The following PDE4D variants were observed in gnomAD, a reference collection of about 807,000 sequenced individuals.
The protein encoded by PDE4D is 3',5'-cyclic-AMP phosphodiesterase 4D.
A neutral mutation model predicts 87.4 loss-of-function variants in PDE4D; 24 were observed. The ratio of observed to expected loss-of-function variants is 0.27; its 90% CI spans 0.20 to 0.39. The LOEUF is 0.39. Among genes scored for constraint, PDE4D ranks in the 10% least tolerant of loss-of-function variants. The pLI is 1.00. For synonymous variants in PDE4D, 384 were observed against 383.2 expected (o/e 1.00, Z -0.02); for missense variants, 714 against 1,041.0 (o/e 0.69, Z 4.32).
At chr5:60,500,823 C>T (rs552266191) in intron 1 of PDE4D, among the ~76,000 whole-genome samples, 3 of 152,086 alleles carry the variant, frequency 2.0e-5, no homozygotes, top group African/African-American at 7.2e-5. Flanking sequence ...ATAGCAAGAA[C>T]CTGACCCATG....
At chr5:59,067,837 A>C (rs1764168626) in intron 5 of PDE4D, among the ~76,000 whole-genome samples, 1 of 152,214 alleles carries the variant, frequency 6.6e-6, no homozygotes, top group South Asian at 2.1e-4. Context: ...ACAAAAAAGA[A>C]AAAGGACATG....
chr5:60,396,227 C>T (rs1003114884), intron 1 of PDE4D, among the ~76,000 whole-genome samples: 25 of 152,296 alleles, frequency 1.6e-4, no homozygotes, highest in Non-Finnish European at 2.9e-4. Context: ...ATAGATGATC[C>T]TGAGAGTTTA....
chr5:59,470,599 T>C (rs1802293463), intron 1 of PDE4D, among the ~76,000 whole-genome samples: 2 of 152,188 alleles, frequency 1.3e-5, no homozygotes, highest in South Asian at 2.1e-4. Flanking sequence ...GACCTTCAAT[T>C]TCACTAATAC....
chr5:59,444,307 G>A (rs567429907), intron 1 of PDE4D, among the ~76,000 whole-genome samples: 7 of 152,146 alleles, frequency 4.6e-5, no homozygotes, highest in Admixed American at 2.0e-4. Context: ...CATTAATGCC[G>A]AAAGATAACA....
chr5:59,412,581 G>T (rs1792886026), intron 1 of PDE4D, among the ~76,000 whole-genome samples: 1 of 152,130 alleles, frequency 6.6e-6, no homozygotes, highest in African/African-American at 2.4e-5. Context: ...GATCACTGCT[G>T]CATCTCATGC....
intron 1 of PDE4D, among the ~76,000 whole-genome samples, chr5:59,619,474 A>G (rs183691399): frequency 2.6e-5 from 4 of 152,214 alleles, no homozygotes; most frequent in Non-Finnish European, 4.4e-5. Flanking sequence ...CTGGGCCCCA[A>G]TCCCTAGTAA....
chr5:59,380,169 T>A (rs1488341509), intron 1 of PDE4D, among the ~76,000 whole-genome samples: 2 of 152,204 alleles, frequency 1.3e-5, no homozygotes, highest in African/African-American at 4.8e-5. Flanking sequence ...TACATTATTA[T>A]ATGCATAAAT....
chr5:59,371,902 G>A (rs1440838996), intron 1 of PDE4D, among the ~76,000 whole-genome samples: 1 of 152,166 alleles, frequency 6.6e-6, no homozygotes, highest in Non-Finnish European at 1.5e-5. Context: ...TAAAGAAAAA[G>A]AGTGGTATAT....
intron 2 of PDE4D, among the ~76,000 whole-genome samples, chr5:60,102,638 G>C (rs1374094359): frequency 6.6e-6 from 1 of 152,124 alleles, no homozygotes; most frequent in African/African-American, 2.4e-5. Flanking sequence ...CTGATAGAGG[G>C]AAGACAGAGA....
At chr5:60,329,936 T>G (rs1383414211) in intron 1 of PDE4D, among the ~76,000 whole-genome samples, 1 of 152,232 alleles carries the variant, frequency 6.6e-6, no homozygotes, top group Non-Finnish European at 1.5e-5. Context: ...AGAAACAACC[T>G]GTGAGTTCTT....
At chr5:59,227,676 A>G (rs1754120142) in intron 1 of PDE4D, among the ~76,000 whole-genome samples, 1 of 152,226 alleles carries the variant, frequency 6.6e-6, no homozygotes, top group Non-Finnish European at 1.5e-5. Flanking sequence ...AAAGAAATAC[A>G]AATCAAAACC....
chr5:60,307,116 T>C (rs1754567837), intron 1 of PDE4D, among the ~76,000 whole-genome samples: 1 of 151,936 alleles, frequency 6.6e-6, no homozygotes, highest in South Asian at 2.1e-4. Context: ...ACATAACTAA[T>C]TAAATATATA....
rs184291672 is a variant in PDE4D at position 59,705,806 on chromosome 5, T to C, written c.455+187362A>G. Among the ~76,000 whole-genome samples the C allele has an allele frequency of 5.9e-5, 9 of 152,270 alleles. No individual in the cohort carries two copies. In the East Asian group the frequency reaches 1.2e-3, roughly 20 times the overall value. ...GAATCATGCTTGACATAGTAATCCA[T>C]TGATCACTTCTTACTTTGATCTCTA... On this transcript the variant is annotated intron_variant, in intron 1 of 14. Coordinates refer to ENST00000340635, the MANE Select transcript of PDE4D (RefSeq NM_001104631.2).
chr5:59,075,002 T>A (rs973536646), intron 5 of PDE4D, among the ~76,000 whole-genome samples: 1 of 151,426 alleles, frequency 6.6e-6, no homozygotes, highest in African/African-American at 2.4e-5. Flanking sequence ...CTGAGAGACA[T>A]AATGGAGTTT....
chr5:59,959,734 T>C (rs1350461753), intron 3 of PDE4D, among the ~76,000 whole-genome samples: 1 of 152,060 alleles, frequency 6.6e-6, no homozygotes, highest in African/African-American at 2.4e-5. Context: ...CCTCAAACTA[T>C]AAAAATCCTA....
chr5:59,014,388 T>G (rs1753529601), intron 6 of PDE4D, among the ~76,000 whole-genome samples: 1 of 152,056 alleles, frequency 6.6e-6, no homozygotes, highest in Non-Finnish European at 1.5e-5. Context: ...GATTATATAT[T>G]TAGAAAACCC....
intron 1 of PDE4D, among the ~76,000 whole-genome samples, chr5:59,663,327 G>C (rs1352425735): frequency 6.6e-6 from 1 of 151,800 alleles, no homozygotes; most frequent in East Asian, 1.9e-4. Flanking sequence ...ACCACACCTG[G>C]CTAATTTTTG....
rs199577851 is a variant in PDE4D at position 60,445,905 on chromosome 5, AT to A, written c.-90+42036del. Among the ~76,000 whole-genome samples the A allele has an allele frequency of 8.7e-4, 132 of 152,296 alleles. 1 individual carries two copies. The East Asian group carries it at 0.024, about 27-fold the overall frequency. ...AAGTGACTAAGAAACTTGGAAAAAA[AT>A]ATTTACATTATAAACAACCTATAGA... On this transcript the variant is annotated intron_variant, in intron 1 of 16. Coordinates refer to the PDE4D transcript ENST00000502484.
At chr5:59,096,725 A>G (rs1580776514) in intron 5 of PDE4D, among the ~76,000 whole-genome samples, 1 of 152,224 alleles carries the variant, frequency 6.6e-6, no homozygotes, top group East Asian at 1.9e-4. Flanking sequence ...AAAAACAAAC[A>G]AAAGAATAAA....
Sources: gnomAD v4.1 joint callset for allele counts (sites outside exome capture counted in the v4.1 genomes callset) on GRCh38, gnomAD v4.1.1 for gene constraint, MANE v1.5 for transcripts, NCBI Gene and HGNC (gene_info 2026-07-23, HGNC 2026-07-21) for gene names.